The following ANKRD35 variants were observed in gnomAD, a reference collection of about 807,000 sequenced individuals.
The protein encoded by ANKRD35 is ankyrin repeat domain-containing protein 35.
A neutral mutation model predicts 109.9 loss-of-function variants in ANKRD35; 102 were observed. The observed-to-expected ratio is 0.93, with a 90% confidence interval of 0.79 to 1.09. ANKRD35 has a LOEUF of 1.09. ANKRD35 is among the 50% of genes least tolerant of loss of function. ANKRD35 has a pLI of 0.00. For missense variants in ANKRD35, 1,240 were observed against 1,230.1 expected, an observed-to-expected ratio of 1.01 and a Z score of -0.12; for synonymous variants, 515 against 512.4, an observed-to-expected ratio of 1.01 and a Z score of -0.07.
Position 145,874,996 on chromosome 1 carries a change from T to C in ANKRD35, c.571A>G (p.Ile191Val). ...VTDKNDKSAL[I>V]LACEKGSAEV... Reference sequence around the variant, plus strand: ...GCACTGCCTTTCTCACAGGCCAGGATCAAAGCCGATCTGTGGGTTGAGACA... The same window carrying C: ...GCACTGCCTTTCTCACAGGCCAGGACCAAAGCCGATCTGTGGGTTGAGACA... The change falls in exon 8 of 14, where the codon ATC becomes GTC. Residue 191 changes from isoleucine to valine, a missense_variant. Coordinates refer to ENST00000355594, the MANE Select transcript of ANKRD35 (RefSeq NM_144698.5). 2 of 1,601,824 alleles carry C rather than the reference T, an allele frequency of 1.2e-6. No individual in the cohort carries two copies. The highest frequency in any genetic ancestry group is 8.5e-7 in the Non-Finnish European group (1 of 1,174,006).
In ANKRD35 at chr1:145,872,616, G is replaced by A; in HGVS notation, c.2153C>T (p.Ala718Val). The A allele has an allele frequency of 1.2e-6, 2 of 1,613,898 alleles. No homozygotes were observed. The highest frequency in any genetic ancestry group is 1.7e-6 in the Non-Finnish European group (2 of 1,179,902). ...CAGGGACTCCGCTGCTTTGCTTTGT[G>A]CACTCCTCTCGCCCACTAGGTCTGC... Reference protein sequence around the residue: ...LPADLVGERSAQSKAAESLEE... With the variant: ...LPADLVGERSVQSKAAESLEE... The change falls in exon 10 of 14, where the codon GCA becomes GTA. Residue 718 changes from alanine (A) to valine (V), a missense_variant. Physicochemically the swap from Ala to Val is moderately conservative, Grantham distance 64. Coordinates refer to ENST00000355594, the MANE Select transcript of ANKRD35 (RefSeq NM_144698.5).
chr1:145,872,141 C>T lies in ANKRD35; in HGVS notation c.2628G>A (p.Glu876=), dbSNP rs1553738799. 6.2e-7 allele frequency: 1 copy of T among 1,609,584 alleles called. No homozygotes were observed. Among genetic ancestry groups the T allele is most frequent in the African/African-American group, 1.3e-5 (1 of 74,806 alleles). Residue 876 remains glutamate, a synonymous_variant, in exon 10 of 14, where the codon GAG becomes GAA. Coordinates refer to ENST00000355594, the MANE Select transcript of ANKRD35 (RefSeq NM_144698.5). ...CCAGGTCCCCGCTCCGGCGGCGCTC[C>T]TCGGCCACCGCCTCCCGCAGCCGAC... ...EVGRLREAVA[E]ERRRSGDLAA...
At position 145,879,188 on chromosome 1, in the gene ANKRD35, T is replaced by C. The variant is rs1553740648; in HGVS notation, c.170+70A>G. 3.8e-5 allele frequency: 55 copies of C among 1,445,972 alleles called. No individual in the cohort carries two copies. The South Asian group carries it at 6.1e-4, about 16-fold the overall frequency. The allele number at this position is 1,445,972 out of a possible 1,614,324, so 89.6% of individuals were successfully genotyped here. On this transcript the variant is annotated intron_variant, in intron 2 of 13. Transcript: ENST00000355594. ...AAGTTGTAGGCATTCCCTGGTCCTA[T>C]GTTATATTGGATTTGGGGGCTTCAA...
At chr1:145,871,152 T>C (rs1413827262) in intron 10 of ANKRD35, among the ~76,000 whole-genome samples, 1 of 124,554 alleles carries the variant, frequency 8.0e-6, no homozygotes, top group East Asian at 2.5e-4. Flanking sequence ...TTTTCTTTTT[T>C]CTTTTTTTTT....
At position 145,868,015 on chromosome 1, in the gene ANKRD35, C is replaced by T; in HGVS notation, c.2919G>A (p.Arg973=). 2 of 1,614,142 alleles carry T rather than the reference C, an allele frequency of 1.2e-6. No individual in the cohort carries two copies. The highest frequency in any genetic ancestry group is 8.5e-7 in the Non-Finnish European group (1 of 1,180,028). The change falls in exon 12 of 14, where the codon AGG becomes AGA. Residue 973 remains arginine, a synonymous_variant. Coordinates refer to ENST00000355594, the MANE Select transcript of ANKRD35 (RefSeq NM_144698.5). ...CCCGAGCAGCATTCAGTAGATGATT[C>T]CTGTAGGTGGAGATGATCTCTTCAT... ...KNHEEIISTY[R]NHLLNAARGY...
At chr1:145,874,612 CAGTG>C (rs1653988222) in intron 8 of ANKRD35, among the ~76,000 whole-genome samples, 1 of 152,192 alleles carries the variant, frequency 6.6e-6, no homozygotes, top group Admixed American at 6.5e-5. Flanking sequence ...GAGCTGTCCT[CAGTG>C]AGAGACCAGG....
At chr1:145,875,271 G>A (rs146469869) in intron 7 of ANKRD35, among the ~76,000 whole-genome samples, 2,320 of 151,592 alleles carry the variant, frequency 0.015, 54 homozygotes, top group African/African-American at 0.053. Flanking sequence ...TCAACCTCCC[G>A]AGTAGCTGGG....
intron 10 of ANKRD35, among the ~76,000 whole-genome samples, chr1:145,871,510 G>A (rs1653818654): frequency 6.6e-6 from 1 of 152,066 alleles, no homozygotes; most frequent in Non-Finnish European, 1.5e-5. Flanking sequence ...AATGGACATC[G>A]TTTTGTAGAA....
At chr1:145,871,313 G>A (rs1411805740) in intron 10 of ANKRD35, among the ~76,000 whole-genome samples, 1 of 151,428 alleles carries the variant, frequency 6.6e-6, no homozygotes, top group Non-Finnish European at 1.5e-5. Context: ...ACAGGTGCCC[G>A]CACCACGCCC....
rs139878861 is a variant in ANKRD35, at chr1:145,871,096, T to C, written c.2787+886A>G. On this transcript the variant is annotated intron_variant, in intron 10 of 13. Transcript: ENST00000355594. ...TAGAGCAAGCTTTAGGAAACTCTGG[T>C]ATCTAATAGTGGTTTTCAAGCTTTT... Among the ~76,000 whole-genome samples, 507 of 151,278 alleles carry C rather than the reference T, an allele frequency of 3.4e-3. 1 individual carries two copies. Among genetic ancestry groups the C allele is most frequent in the Admixed American group, 7.6e-3 (116 of 15,184 alleles).
rs201768048 is a variant in ANKRD35, at chr1:145,872,143, C to T, written c.2626G>A (p.Glu876Lys). Residue 876 changes from glutamate (E) to lysine (K), a missense_variant, in exon 10 of 14, where the codon GAG becomes AAG. Transcript: ENST00000355594. ...AGGTCCCCGCTCCGGCGGCGCTCCT[C>T]GGCCACCGCCTCCCGCAGCCGACCC... Reference protein sequence around the residue: ...EVGRLREAVAEERRRSGDLAA... With the variant: ...EVGRLREAVAKERRRSGDLAA... The T allele has an allele frequency of 2.3e-3, 3,705 of 1,609,104 alleles. 7 individuals are homozygous for T. Among genetic ancestry groups the T allele is most frequent in the Non-Finnish European group, 2.7e-3 (3,198 of 1,178,028 alleles).
Position 145,873,172 on chromosome 1 carries a change from C to T in ANKRD35, c.1597G>A (p.Ala533Thr), listed in dbSNP as rs781822111. The T allele has an allele frequency of 6.2e-7, 1 of 1,614,114 alleles. No homozygotes were observed. Among genetic ancestry groups the T allele is most frequent in the Non-Finnish European group, 8.5e-7 (1 of 1,180,018 alleles). ...AGTCGGGCTTCCATCTTCTCCCAGG[C>T]AGCTGCTGCTGCCTCAGCACGGGGA... Reference protein sequence around the residue: ...GTPRAEAAAAAWEKMEARLER... With the variant: ...GTPRAEAAAATWEKMEARLER... Residue 533 changes from alanine (A) to threonine (T), a missense_variant, in exon 10 of 14, where the codon GCC (alanine) becomes ACC (threonine). Ala to Thr is a moderately conservative substitution (Grantham distance 58). Transcript: ENST00000355594.
rs1355805546 is a variant in ANKRD35, at chr1:145,879,358, G to A, written c.70C>T (p.Leu24=). The A allele has an allele frequency of 1.3e-6, 2 of 1,598,732 alleles. No individual in the cohort carries two copies. Among genetic ancestry groups the A allele is most frequent in the African/African-American group, 2.7e-5 (2 of 74,030 alleles). Residue 24 remains leucine (L), a synonymous_variant, in exon 2 of 14, where the codon CTG becomes TTG. Transcript: ENST00000355594. ...TCCCCCCTGTGCACTGCCTCCAGCAGCTTCTGATCATGGCGGTTCCATCTC... is the reference window on the plus strand; with the variant it reads ...TCCCCCCTGTGCACTGCCTCCAGCAACTTCTGATCATGGCGGTTCCATCTC... ...VERWNRHDQK[L]LEAVHRGDVG...
At chr1:145,868,778 G>A (rs1190849043) in intron 10 of ANKRD35, among the ~76,000 whole-genome samples, 1 of 152,126 alleles carries the variant, frequency 6.6e-6, no homozygotes, top group Non-Finnish European at 1.5e-5. Context: ...GTTTTAAAGT[G>A]CAAACTAACA....
rs1559173987 is a variant in ANKRD35 at position 145,873,669 on chromosome 1, T to C, written c.1100A>G (p.Asp367Gly). Residue 367 changes from aspartate to glycine, a missense_variant, in exon 10 of 14, where the codon GAT becomes GGT. By Grantham distance (94) the Asp-to-Gly change is moderately conservative. Coordinates refer to ENST00000355594, the MANE Select transcript of ANKRD35 (RefSeq NM_144698.5). ...CTTAGGACAACCCTGCTCCATGCCA[T>C]CCCCTCCAGGCCGGAGACTAGAGCC... ...KQGSSLRPGGDGMEQGCPKDL... is the reference protein window; with the variant it reads ...KQGSSLRPGGGGMEQGCPKDL... 1.2e-6 allele frequency: 2 copies of C among 1,614,100 alleles called. No homozygotes were observed. Among genetic ancestry groups the C allele is most frequent in the East Asian group, 2.2e-5 (1 of 44,876 alleles).
Position 145,873,259 on chromosome 1 carries a change from G to C in ANKRD35, c.1510C>G (p.Arg504Gly). The C allele has an allele frequency of 1.2e-6, 2 of 1,614,024 alleles. No homozygotes were observed. The highest frequency in any genetic ancestry group is 1.7e-6 in the Non-Finnish European group (2 of 1,179,958). The change falls in exon 10 of 14, where the codon CGA becomes GGA. Residue 504 changes from arginine (R) to glycine (G), a missense_variant. By Grantham distance (125) the Arg-to-Gly change is moderately radical. Transcript: ENST00000355594. Reference sequence around the variant, plus strand: ...GCCCCCCGGGCAGCATCCTTTTCTCGCCACACTGCAGCAAGCTCCTCCCTT... The same window carrying C: ...GCCCCCCGGGCAGCATCCTTTTCTCCCCACACTGCAGCAAGCTCCTCCCTT... ...QLREELAAVW[R>G]EKDAARGALS...
Position 145,870,751 on chromosome 1 carries a change from G to A in ANKRD35, c.2787+1231C>T, listed in dbSNP as rs587713002. Among the ~76,000 whole-genome samples, 9 of 151,560 alleles carry A rather than the reference G, an allele frequency of 5.9e-5. No homozygotes were observed. The South Asian group carries it at 1.5e-3, about 25-fold the overall frequency. On this transcript the variant is annotated intron_variant, in intron 10 of 13. Coordinates refer to ENST00000355594, the MANE Select transcript of ANKRD35 (RefSeq NM_144698.5). ...TTTTTTGAGGAGAAGGAGGAGTCTC[G>A]CTCTGTTGCCCAGACTGGAGTGCAG...
rs1653886234 is a variant in ANKRD35 at position 145,872,710 on chromosome 1, T to C, written c.2059A>G (p.Thr687Ala). The part of the protein sequence containing the change: ...TNELAMEKEA[T>A]EKLRKLLASQ... The stretch of plus-strand genomic sequence containing the variant: ...GCCAGGAGCTTCCGCAGCTTCTCTG[T>C]GGCCTCCTTCTCCATGGCCAGTTCA... Residue 687 changes from threonine (T) to alanine (A), a missense_variant, in exon 10 of 14, where the codon ACA (threonine) becomes GCA (alanine). Coordinates refer to ENST00000355594, the MANE Select transcript of ANKRD35 (RefSeq NM_144698.5). 2.5e-6 allele frequency: 4 copies of C among 1,614,144 alleles called. No individual in the cohort carries two copies. Among genetic ancestry groups the C allele is most frequent in the Non-Finnish European group, 3.4e-6 (4 of 1,180,016 alleles).
intron 1 of ANKRD35, among the ~76,000 whole-genome samples, chr1:145,884,721 T>C (rs1553741607): frequency 1.6e-5 from 1 of 62,328 alleles, no homozygotes; most frequent in Non-Finnish European, 2.9e-5. Flanking sequence ...TCTCTCATCA[T>C]CACTTTCCCC....
Sources: allele counts gnomAD v4.1 joint callset (sites outside exome capture counted in the v4.1 genomes callset), GRCh38; gene constraint gnomAD v4.1.1; transcripts MANE v1.5; gene names NCBI Gene and HGNC (gene_info 2026-07-23, HGNC 2026-07-21).